The following LOXL2 variants were observed in gnomAD, a reference collection of about 807,000 sequenced individuals.
LOXL2 encodes lysyl oxidase like 2, also known as lysyl oxidase homolog 2.
In LOXL2, 70 loss-of-function variants were observed where a neutral mutation model predicts 93.0. That is an observed-to-expected ratio of 0.75 (90% CI 0.62 to 0.92). The LOEUF (loss-of-function observed/expected upper bound fraction) is 0.92, where lower values mean the gene tolerates loss of function less well. Among genes scored for constraint, LOXL2 ranks in the 40% least tolerant of loss-of-function variants. The pLI is 0.00. For synonymous variants in LOXL2, 438 were observed against 413.2 expected, an observed-to-expected ratio of 1.06 and a Z score of -0.73; for missense variants, 973 against 1,054.9, an observed-to-expected ratio of 0.92 and a Z score of 1.08.
Position 23,329,096 on chromosome 8 carries a change from A to G in LOXL2, c.967-531T>C, listed in dbSNP as rs1322155512. 2.0e-5 allele frequency: 3 copies of G among 153,162 alleles called. No homozygotes were observed. The East Asian group carries it at 5.8e-4, about 29-fold the overall frequency. The allele number at this position is 153,162 out of a possible 1,614,324, so 9.5% of individuals were successfully genotyped here. A position where few individuals can be genotyped will look rare whatever the true frequency, so the allele number is the denominator to read the frequency against. ...ACAGTCTAGGCCTGCAGAGACTCCA[A>G]AGTACTAGGCAGGCACTGGAACGAT... On this transcript the variant is annotated intron_variant, in intron 5 of 13. Coordinates refer to ENST00000389131, the MANE Select transcript of LOXL2 (RefSeq NM_002318.3).
chr8:23,319,394 C>T (rs1803456536), intron 8 of LOXL2, among the ~76,000 whole-genome samples: 1 of 151,794 alleles, frequency 6.6e-6, no homozygotes, highest in South Asian at 2.1e-4. Context: ...TGGAGATTCC[C>T]TAGCGTGTCA....
chr8:23,327,344 C>G (rs904550998), intron 6 of LOXL2, among the ~76,000 whole-genome samples: 3 of 152,172 alleles, frequency 2.0e-5, no homozygotes, highest in African/African-American at 7.2e-5. Flanking sequence ...GGTGTGAGGC[C>G]CTGGGCTAGT....
At position 23,333,599 on chromosome 8, in the gene LOXL2, C is replaced by T; in HGVS notation, c.768G>A (p.Gln256=). The T allele has an allele frequency of 1.2e-6, 2 of 1,613,420 alleles. No individual in the cohort carries two copies. The highest frequency in any genetic ancestry group is 8.5e-7 in the Non-Finnish European group (1 of 1,179,824). ...AGTCCATGGAGAATGGCCAGTAGCG[C>T]TGCTTCCTCCGTGAGGCAAACATTC... ...VYKMFASRRK[Q]RYWPFSMDCT... Residue 256 remains glutamine, a synonymous_variant, in exon 5 of 14, where the codon CAG becomes CAA. Transcript: ENST00000389131.
chr8:23,352,094 G>A (rs56112369), intron 3 of LOXL2, among the ~76,000 whole-genome samples: 18,691 of 152,208 alleles, frequency 0.12, 1,417 homozygotes, highest in Admixed American at 0.18. Flanking sequence ...GAATACAGGC[G>A]TGAGCCACCG....
rs58347035 is a variant in LOXL2, at chr8:23,307,953, G to GGAAAAAAAAAAAAAAA, written c.1880+1714_1880+1715insTTTTTTTTTTTTTTTC. Among the ~76,000 whole-genome samples the GGAAAAAAAAAAAAAAA allele has an allele frequency of 1.2e-3, 103 of 83,544 alleles. 42 individuals are homozygous for GGAAAAAAAAAAAAAAA. The highest frequency in any genetic ancestry group is 1.8e-3 in the African/African-American group (37 of 21,104). The allele number at this position is 83,544 out of a possible 152,430, so 54.8% of individuals were successfully genotyped here. On this transcript the variant is annotated intron_variant, in intron 10 of 13. Coordinates refer to ENST00000389131, the MANE Select transcript of LOXL2 (RefSeq NM_002318.3). Reference sequence around the variant, plus strand: ...GTGACTAGGTCATCAGCTGCGATATGAAAAAAAAAAAAAAAAAAAAGCCAA... The same window carrying GGAAAAAAAAAAAAAAA: ...GTGACTAGGTCATCAGCTGCGATATGGAAAAAAAAAAAAAAAAAAAAAAAAAAAAAAAAAAAGCCAA...
chr8:23,297,646 G>C lies in LOXL2; in HGVS notation c.*397C>G, dbSNP rs543054148. On this transcript the variant is annotated 3_prime_UTR_variant, in exon 14 of 14. Transcript: ENST00000389131. ...GGTTCGGCCTGACCCTCTCTGGGGG[G>C]GCTGATGAGCCCGCATTTGTCCACG... 11 of 177,224 alleles carry C rather than the reference G, an allele frequency of 6.2e-5. No homozygotes were observed. The highest frequency in any genetic ancestry group is 6.2e-4 in the East Asian group (4 of 6,502). The allele number at this position is 177,224 out of a possible 1,614,324, so 11.0% of individuals were successfully genotyped here. A position where few individuals can be genotyped will look rare whatever the true frequency, so the allele number is the denominator to read the frequency against.
chr8:23,402,205 G>C (rs997592889), intron 1 of LOXL2, among the ~76,000 whole-genome samples: 4 of 151,602 alleles, frequency 2.6e-5, no homozygotes, highest in Non-Finnish European at 4.4e-5. Context: ...ACACACACCT[G>C]TGTGCGCATA....
At chr8:23,302,514 ACTGT>A (rs1803152970) in intron 11 of LOXL2, among the ~76,000 whole-genome samples, 1 of 151,130 alleles carries the variant, frequency 6.6e-6, no homozygotes, top group South Asian at 2.1e-4. Flanking sequence ...GGGGGGTCAT[ACTGT>A]CTGTCTCCTC....
intron 1 of LOXL2, among the ~76,000 whole-genome samples, chr8:23,377,020 A>C (rs1326319028): frequency 1.3e-5 from 2 of 151,912 alleles, no homozygotes; most frequent in Non-Finnish European, 2.9e-5. Context: ...TAGTTCTTTT[A>C]ATTGTGATGT....
rs1407490133 is a variant in LOXL2, at chr8:23,303,278, AT to A, written c.1996+3del. ...CCTCCCATCCCCCCACTCCGCTCAG[AT>A]ACCTCCTTCACATTCTGTGTCCTCC... is the stretch of plus-strand genomic sequence containing the variant. On this transcript the variant is annotated splice_donor_region_variant and intron_variant, in intron 11 of 13. Coordinates refer to ENST00000389131, the MANE Select transcript of LOXL2 (RefSeq NM_002318.3). 1.3e-6 allele frequency: 2 copies of A among 1,596,726 alleles called. No individual in the cohort carries two copies. Among genetic ancestry groups the A allele is most frequent in the African/African-American group, 2.7e-5 (2 of 74,444 alleles).
intron 4 of LOXL2, among the ~76,000 whole-genome samples, chr8:23,338,120 C>G (rs1017663266): frequency 1.3e-5 from 2 of 152,142 alleles, no homozygotes; most frequent in Admixed American, 1.3e-4. Flanking sequence ...GGGGAACTGG[C>G]CTTTATAAAA....
chr8:23,345,162 G>A (rs1803949262), intron 3 of LOXL2, among the ~76,000 whole-genome samples: 1 of 152,196 alleles, frequency 6.6e-6, no homozygotes, highest in South Asian at 2.1e-4. Context: ...GCAAGCTTTT[G>A]GAAGTTATCC....
chr8:23,387,003 G>A (rs1020254335), intron 1 of LOXL2, among the ~76,000 whole-genome samples: 31 of 152,200 alleles, frequency 2.0e-4, no homozygotes, highest in African/African-American at 6.3e-4. Flanking sequence ...GGGAGCTGCC[G>A]TGGCAGATGG....
intron 3 of LOXL2, among the ~76,000 whole-genome samples, chr8:23,352,736 G>C (rs891155105): frequency 6.6e-6 from 1 of 151,960 alleles, no homozygotes; most frequent in African/African-American, 2.4e-5. Flanking sequence ...AGAAGAACGC[G>C]AGAGAGCAGA....
At chr8:23,326,691 T>TTGCAGTGA (rs893909979) in intron 6 of LOXL2, among the ~76,000 whole-genome samples, 1 of 151,988 alleles carries the variant, frequency 6.6e-6, no homozygotes, top group African/African-American at 2.4e-5. Context: ...GAGGCAGAGG[T>TTGCAGTGA]TGCAGTGAGC....
At chr8:23,332,303 TCATA>T (rs1803698796) in intron 5 of LOXL2, among the ~76,000 whole-genome samples, 1 of 64,588 alleles carries the variant, frequency 1.5e-5, no homozygotes, top group Non-Finnish European at 2.8e-5. Context: ...CCACACACAC[TCATA>T]CACACCCCCT....
At chr8:23,395,186 G>A (rs1212864772) in intron 1 of LOXL2, among the ~76,000 whole-genome samples, 2 of 152,014 alleles carry the variant, frequency 1.3e-5, no homozygotes, top group African/African-American at 4.8e-5. Context: ...CCTGGGAGAC[G>A]GAGGTTGCAG....
chr8:23,346,436 G>C (rs1803986195), intron 3 of LOXL2, among the ~76,000 whole-genome samples: 2 of 152,224 alleles, frequency 1.3e-5, no homozygotes, highest in African/African-American at 4.8e-5. Flanking sequence ...GGAGTGATTT[G>C]CACCCGTTCC....
chr8:23,375,846 G>T (rs186248564), intron 1 of LOXL2, among the ~76,000 whole-genome samples: 2 of 152,282 alleles, frequency 1.3e-5, no homozygotes, highest in Admixed American at 6.5e-5. Flanking sequence ...GGGCTGAGAC[G>T]ATGGGGTTTT....
Sources: gnomAD v4.1 joint callset for allele counts (sites outside exome capture counted in the v4.1 genomes callset) on GRCh38, gnomAD v4.1.1 for gene constraint, MANE v1.5 for transcripts, NCBI Gene and HGNC (gene_info 2026-07-23, HGNC 2026-07-21) for gene names.